TGFB2: variants seen among roughly 807,000 people sequenced by gnomAD.
TGFB2 encodes the protein transforming growth factor beta-2 proprotein.
In TGFB2, 13 loss-of-function variants were observed where a neutral mutation model predicts 42.7. That is an observed-to-expected ratio of 0.30 (90% CI 0.20 to 0.48). The LOEUF (loss-of-function observed/expected upper bound fraction) is 0.48, where lower values mean the gene tolerates loss of function less well. TGFB2 is among the 20% of genes least tolerant of loss of function. The probability of loss-of-function intolerance (pLI) is 0.99; values close to 1 mark genes in which losing one functional copy is unlikely to be tolerated. For missense variants in TGFB2, 390 were observed against 517.5 expected, an observed-to-expected ratio of 0.75 and a Z score of 2.39; for synonymous variants, 193 against 193.6, an observed-to-expected ratio of 1.00 and a Z score of 0.03.
At chr1:218,411,216 G>A (rs998288300) in intron 2 of TGFB2, among the ~76,000 whole-genome samples, 3 of 152,154 alleles carry the variant, frequency 2.0e-5, no homozygotes, top group African/African-American at 7.2e-5. Flanking sequence ...TCTATTTGCT[G>A]CACAACAAGC....
At chr1:218,397,557 C>G (rs1419694100) in intron 1 of TGFB2, among the ~76,000 whole-genome samples, 3 of 136,188 alleles carry the variant, frequency 2.2e-5, no homozygotes, top group Non-Finnish European at 3.0e-5. Flanking sequence ...GAGCGAGACT[C>G]CGTCTCAAAA....
chr1:218,440,811 T>C (rs1400565356), intron 6 of TGFB2, among the ~76,000 whole-genome samples: 1 of 152,218 alleles, frequency 6.6e-6, no homozygotes, highest in Non-Finnish European at 1.5e-5. Context: ...CAACTTCATT[T>C]ACAGAGTAGT....
chr1:218,347,008 G>T lies in TGFB2; in HGVS notation c.307G>T (p.Val103Phe). Residue 103 changes from valine (V) to phenylalanine (F), a missense_variant, in exon 1 of 7, where the codon GTT becomes TTT. Transcript: ENST00000366930. ...RSDEEYYAKE[V>F]YKIDMPPFFP... ...CGACGAAGAGTACTACGCCAAGGAG[G>T]TTTACAAAATAGACATGCCGCCCTT... 6.2e-7 allele frequency: 1 copy of T among 1,608,878 alleles called. No individual in the cohort carries two copies. The highest frequency in any genetic ancestry group is 8.5e-7 in the Non-Finnish European group (1 of 1,177,396).
chr1:218,351,429 T>C (rs1656864016), intron 1 of TGFB2, among the ~76,000 whole-genome samples: 1 of 152,224 alleles, frequency 6.6e-6, no homozygotes, highest in Non-Finnish European at 1.5e-5. Flanking sequence ...TCTCCCTTTT[T>C]TATTGCATCG....
intron 2 of TGFB2, among the ~76,000 whole-genome samples, chr1:218,417,280 A>G (rs1385435308): frequency 6.6e-6 from 1 of 152,204 alleles, no homozygotes; most frequent in Non-Finnish European, 1.5e-5. Flanking sequence ...GAGATCAGGA[A>G]CTTGTTGGGA....
At chr1:218,408,754 G>A (rs145769217) in intron 2 of TGFB2, among the ~76,000 whole-genome samples, 25 of 152,314 alleles carry the variant, frequency 1.6e-4, no homozygotes, top group Non-Finnish European at 2.6e-4. Flanking sequence ...GGAGGACACC[G>A]TGACATCAAC....
rs542486208 is a variant in TGFB2, at chr1:218,359,773, G to A, written c.346+12726G>A. On this transcript the variant is annotated intron_variant, in intron 1 of 6. Coordinates refer to ENST00000366930, the MANE Select transcript of TGFB2 (RefSeq NM_003238.6). The stretch of plus-strand genomic sequence containing the variant: ...CAAGAGAGATGCATTGTTTGTTTGT[G>A]TGGAGAGGCTGGAGGGATTAGGGCA... Among the ~76,000 whole-genome samples, 3 of 152,324 alleles carry A rather than the reference G, an allele frequency of 2.0e-5. No individual in the cohort carries two copies. The South Asian group carries it at 6.2e-4, about 32-fold the overall frequency.
intron 1 of TGFB2, among the ~76,000 whole-genome samples, chr1:218,368,243 C>G (rs963383530): frequency 1.3e-5 from 2 of 152,168 alleles, no homozygotes; most frequent in Non-Finnish European, 2.9e-5. Context: ...CACCCGGGTT[C>G]AAGCAATTCT....
intron 1 of TGFB2, among the ~76,000 whole-genome samples, chr1:218,376,920 G>A (rs1015560458): frequency 6.6e-6 from 1 of 152,186 alleles, no homozygotes; most frequent in Admixed American, 6.5e-5. Context: ...TTGAGACACG[G>A]TCTTGCTCTG....
chr1:218,443,491 T>C lies in TGFB2; in HGVS notation c.*2129T>C, dbSNP rs756607110. On this transcript the variant is annotated 3_prime_UTR_variant, in exon 7 of 7. Coordinates refer to ENST00000366930, the MANE Select transcript of TGFB2 (RefSeq NM_003238.6). ...AAAAGCAAGAGATGGGATGCCATAA[T>C]AGTAAACAGCCCTTGTGTTGGATGT... 1 of 152,186 alleles carries C rather than the reference T, an allele frequency of 6.6e-6. No homozygotes were observed. The highest frequency in any genetic ancestry group is 1.5e-5 in the Non-Finnish European group (1 of 68,028). 9.4% of individuals were successfully genotyped at this position (152,186 alleles called of 1,614,324 possible).
chr1:218,352,384 A>C (rs1374394359), intron 1 of TGFB2, among the ~76,000 whole-genome samples: 1 of 152,216 alleles, frequency 6.6e-6, no homozygotes, highest in Non-Finnish European at 1.5e-5. Context: ...AGATAAACAA[A>C]TGCCCATTGT....
At chr1:218,383,704 G>A (rs1249566157) in intron 1 of TGFB2, among the ~76,000 whole-genome samples, 1 of 152,220 alleles carries the variant, frequency 6.6e-6, no homozygotes, top group African/African-American at 2.4e-5. Flanking sequence ...ACACAGCTAC[G>A]TGGCGAAGGA....
At chr1:218,363,835 TTAA>T in intron 1 of TGFB2, among the ~76,000 whole-genome samples, 1 of 152,316 alleles carries the variant, frequency 6.6e-6, no homozygotes, top group South Asian at 2.1e-4. Flanking sequence ...AGTTGCTCAA[TTAA>T]TGTTTCTTGT....
chr1:218,389,090 TGTGGTTTTCTCAACA>T (rs1162641380), intron 1 of TGFB2, among the ~76,000 whole-genome samples: 2 of 152,114 alleles, frequency 1.3e-5, no homozygotes, highest in African/African-American at 4.8e-5. Flanking sequence ...GCCTCTGAAT[TGTGGTTTTCTCAACA>T]GTAAAATGGG....
chr1:218,437,219 C>T, intron 5 of TGFB2, 124 bp from the exon 6 acceptor site: 1 of 963,176 alleles, frequency 1.0e-6, no homozygotes, highest in Non-Finnish European at 1.5e-6. Flanking sequence ...ATGATATTTG[C>T]TCATTAGATG....
chr1:218,372,025 G>T (rs945330901), intron 1 of TGFB2, among the ~76,000 whole-genome samples: 1 of 152,146 alleles, frequency 6.6e-6, no homozygotes, highest in African/African-American at 2.4e-5. Flanking sequence ...ACAGTGATCT[G>T]CTCTGACCGT....
chr1:218,437,253 A>AT, intron 5 of TGFB2, 90 bp from the exon 6 acceptor site: 3 of 1,275,718 alleles, frequency 2.4e-6, no homozygotes, highest in Non-Finnish European at 3.2e-6. Context: ...TGAATGAATC[A>AT]TTTTTCTGGT....
rs143419224 is a variant in TGFB2, at chr1:218,409,301, A to G, written c.510+3969A>G. Among the ~76,000 whole-genome samples the G allele has an allele frequency of 5.9e-5, 9 of 152,334 alleles. No individual in the cohort carries two copies. The East Asian group carries it at 1.5e-3, about 26-fold the overall frequency. ...CTGTATCACAGTAACGCTATCTCAG[A>G]TAATCAGACCACAGAAGCAATGCCT... On this transcript the variant is annotated intron_variant, in intron 2 of 6. Transcript: ENST00000366930.
intron 2 of TGFB2, among the ~76,000 whole-genome samples, chr1:218,407,794 C>T (rs1220949379): frequency 6.6e-6 from 1 of 152,080 alleles, no homozygotes; most frequent in Admixed American, 6.5e-5. Context: ...TCACCACATA[C>T]TATGCTATTC....
Sources: allele counts gnomAD v4.1 joint callset (sites outside exome capture counted in the v4.1 genomes callset), GRCh38; gene constraint gnomAD v4.1.1; transcripts MANE v1.5; gene names NCBI Gene and HGNC (gene_info 2026-07-23, HGNC 2026-07-21).